SLC6A13: variants seen among roughly 807,000 people sequenced by gnomAD.
The protein encoded by SLC6A13 is sodium- and chloride-dependent GABA transporter 2.
A neutral mutation model predicts 72.9 loss-of-function variants in SLC6A13; 69 were observed. The ratio of observed to expected loss-of-function variants is 0.95; its 90% CI spans 0.78 to 1.16. The LOEUF is 1.16. SLC6A13 is among the 50% of genes most tolerant of loss of function. The pLI is 0.00. For synonymous variants in SLC6A13, 303 were observed against 303.0 expected (o/e 1.00, Z 0.00); for missense variants, 735 against 760.5 (o/e 0.97, Z 0.39).
At chr12:240,320 C>A (rs1485095228) in intron 4 of SLC6A13, among the ~76,000 whole-genome samples, 1 of 152,182 alleles carries the variant, frequency 6.6e-6, no homozygotes, top group Non-Finnish European at 1.5e-5. Context: ...CCTCCTGTCT[C>A]AACCTCCCAA....
chr12:230,115 C>G (rs1056833383), intron 7 of SLC6A13, among the ~76,000 whole-genome samples: 14 of 152,228 alleles, frequency 9.2e-5, no homozygotes, highest in African/African-American at 3.1e-4. Context: ...GCAAGCTGTT[C>G]CATTCCCACC....
chr12:224,544 G>T, intron 9 of SLC6A13, 31 bp from the exon 10 acceptor site: 1 of 1,576,796 alleles, frequency 6.3e-7, no homozygotes, highest in Non-Finnish European at 8.7e-7. Flanking sequence ...ACACGGGCCA[G>T]TGCCCGGGCC....
At chr12:257,935 G>A (rs948608476) in intron 2 of SLC6A13, among the ~76,000 whole-genome samples, 5 of 152,088 alleles carry the variant, frequency 3.3e-5, no homozygotes, top group African/African-American at 1.2e-4. Flanking sequence ...TAATCTCTCT[G>A]CCATGTGAGG....
chr12:243,897 C>T (rs892300044), intron 2 of SLC6A13, 84 bp from the exon 3 acceptor site: 1 of 1,359,264 alleles, frequency 7.4e-7, no homozygotes, highest in Non-Finnish European at 1.0e-6. Flanking sequence ...CCAACCCATA[C>T]TGCCAGTCAG....
intron 6 of SLC6A13, 181 bp downstream of exon 6, chr12:236,977 A>C (rs2137284556): frequency 1.6e-6 from 1 of 639,982 alleles, no homozygotes; most frequent in Non-Finnish European, 2.6e-6. Flanking sequence ...TCCAGTCCCA[A>C]AAACCAGAAG....
At chr12:241,176 C>T (rs548890763) in intron 4 of SLC6A13, among the ~76,000 whole-genome samples, 71 of 152,146 alleles carry the variant, frequency 4.7e-4, no homozygotes, top group South Asian at 6.2e-4. Flanking sequence ...TGTTGGCAGG[C>T]GCCTGTAATC....
At chr12:242,518 G>T in intron 4 of SLC6A13, 96 bp downstream of exon 4, 1 of 1,047,046 alleles carries the variant, frequency 9.6e-7, no homozygotes, top group Non-Finnish European at 1.4e-6. Flanking sequence ...GTGATTTCTG[G>T]TGTGTCCGTG....
intron 7 of SLC6A13, 67 bp downstream of exon 7, chr12:235,023 T>C: frequency 6.3e-7 from 1 of 1,582,222 alleles, no homozygotes; most frequent in Non-Finnish European, 8.7e-7. Flanking sequence ...CCCGTCAGAG[T>C]GCAGGGAAAG....
intron 9 of SLC6A13, 29 bp downstream of exon 9, chr12:226,361 T>G: frequency 1.2e-6 from 2 of 1,613,074 alleles, no homozygotes; most frequent in South Asian, 1.1e-5. Flanking sequence ...CCAGGCTCAC[T>G]GCCTCCAGGC....
In SLC6A13 at chr12:221,371, C is replaced by G; in HGVS notation, c.1686+5G>C. ...TGGCTGCTTTCCTGCCCGCAAAGGC[C>G]CTACCTCTCTGAAGGGGCCCTTGAG... On this transcript the variant is annotated splice_donor_5th_base_variant and intron_variant, in intron 14 of 14. Transcript: ENST00000343164. 1 of 1,585,772 alleles carries G rather than the reference C, an allele frequency of 6.3e-7. No homozygotes were observed. Among genetic ancestry groups the G allele is most frequent in the Non-Finnish European group, 8.6e-7 (1 of 1,166,016 alleles).
chr12:238,259 A>G (rs1245990362), intron 4 of SLC6A13: 1 of 1,478,932 alleles, frequency 6.8e-7, no homozygotes, highest in Non-Finnish European at 9.0e-7. Flanking sequence ...GCATGATCAG[A>G]TGGCAACAGG....
rs2137297019 is a variant in SLC6A13, at chr12:242,717, G to A, written c.375C>T (p.Leu125=). The stretch of plus-strand genomic sequence containing the variant: ...CCAACACAATGATGTAGTAGACGTT[G>A]AGGAGGATGACGATCATCTGGGAGG... ...GYASQMIVIL[L]NVYYIIVLAW... Residue 125 remains leucine (L), a synonymous_variant, in exon 4 of 15, where the codon CTC becomes CTT. Transcript: ENST00000343164. 1 of 1,602,294 alleles carries A rather than the reference G, an allele frequency of 6.2e-7. No homozygotes were observed. Among genetic ancestry groups the A allele is most frequent in the East Asian group, 2.2e-5 (1 of 44,558 alleles).
intron 4 of SLC6A13, among the ~76,000 whole-genome samples, chr12:241,998 G>A (rs1267741470): frequency 6.6e-6 from 1 of 152,186 alleles, no homozygotes; most frequent in East Asian, 1.9e-4. Context: ...TACAGTGTTC[G>A]GCACAGTATT....
Position 243,704 on chromosome 12 carries a change from C to T in SLC6A13, c.312G>A (p.Trp104Ter). 6.2e-7 allele frequency: 1 copy of T among 1,614,158 alleles called. No individual in the cohort carries two copies. Among genetic ancestry groups the T allele is most frequent in the Non-Finnish European group, 8.5e-7 (1 of 1,179,994 alleles). Residue 104 changes from tryptophan (W) to a stop codon, truncating the protein, a stop_gained, in exon 3 of 15, where the codon TGG (tryptophan) becomes TGA (stop). Transcript: ENST00000343164. LOFTEE classifies it high-confidence loss of function. ...CCTCAAAGATGGGGCAGATCTTCCTCCAGGCTGTGACGCCTCCCTGGCTAG... is the reference window on the plus strand; with the variant it reads ...CCTCAAAGATGGGGCAGATCTTCCTTCAGGCTGTGACGCCTCCCTGGCTAG... ...QYTSQGGVTA[W>*]RKICPIFEGI...
chr12:232,402 A>G (rs1248363753), intron 7 of SLC6A13, among the ~76,000 whole-genome samples: 2 of 151,928 alleles, frequency 1.3e-5, no homozygotes, highest in Non-Finnish European at 2.9e-5. Context: ...CCTCCCCTCC[A>G]CTCAGCTTCC....
chr12:237,386 T>TCAG, intron 5 of SLC6A13, 96 bp from the exon 6 acceptor site: 2 of 1,407,270 alleles, frequency 1.4e-6, no homozygotes, highest in Non-Finnish European at 2.0e-6. Flanking sequence ...GCCTCCAGGC[T>TCAG]CTTGTCCAAA....
At chr12:243,853 TCTC>T in intron 2 of SLC6A13, 40 bp from the exon 3 acceptor site, 6 of 1,602,894 alleles carry the variant, frequency 3.7e-6, no homozygotes, top group Non-Finnish European at 5.1e-6. Flanking sequence ...CTGGGACTAT[TCTC>T]CTCATGGTCT....
rs374030646 is a variant in SLC6A13, at chr12:259,871, A to G, written c.182T>C (p.Leu61Pro). Reference sequence around the variant, plus strand: ...CTCACCTCCCCCATTTTTGTAGCAGAGATAGGGAAACCTCCAGACGTTGCC... The same window carrying G: ...CTCACCTCCCCCATTTTTGTAGCAGGGATAGGGAAACCTCCAGACGTTGCC... Reference protein sequence around the residue: ...GLGNVWRFPYLCYKNGGGAFF... With the variant: ...GLGNVWRFPYPCYKNGGGAFF... The change falls in exon 2 of 15, where the codon CTC (leucine) becomes CCC (proline). Residue 61 changes from leucine (L) to proline (P), a missense_variant. By Grantham distance (98) the Leu-to-Pro change is moderately conservative. Transcript: ENST00000343164. The G allele has an allele frequency of 2.5e-6, 4 of 1,614,084 alleles. No homozygotes were observed. Among genetic ancestry groups the G allele is most frequent in the Non-Finnish European group, 2.5e-6 (3 of 1,180,030 alleles).
At chr12:237,893 G>A (rs745692135) in intron 5 of SLC6A13, 33 bp downstream of exon 5, 39 of 1,480,318 alleles carry the variant, frequency 2.6e-5, no homozygotes, top group Non-Finnish European at 2.9e-5. Context: ...CTGAACACAC[G>A]GCCCACAGTG....
Sources: gnomAD v4.1 joint callset for allele counts (sites outside exome capture counted in the v4.1 genomes callset) on GRCh38, gnomAD v4.1.1 for gene constraint, MANE v1.5 for transcripts, NCBI Gene and HGNC (gene_info 2026-07-23, HGNC 2026-07-21) for gene names.